POMZP3: variants seen among roughly 807,000 people sequenced by gnomAD.
POMZP3 encodes POM121 and ZP3 fusion protein.
A neutral mutation model predicts 19.8 loss-of-function variants in POMZP3; 10 were observed. The observed-to-expected ratio is 0.51, with a 90% CI of 0.31 to 0.86. The LOEUF is 0.86. Ranked by LOEUF, POMZP3 falls within the 40% of genes least tolerant of loss-of-function variation. POMZP3 has a pLI of 0.04. For synonymous variants in POMZP3, 57 were observed against 85.8 expected, an observed-to-expected ratio of 0.66 and a Z score of 1.85; for missense variants, 152 against 228.1, an observed-to-expected ratio of 0.67 and a Z score of 2.15.
At chr7:76,612,072 C>G (rs1337630353) in intron 4 of POMZP3, among the ~76,000 whole-genome samples, 1 of 142,050 alleles carries the variant, frequency 7.0e-6, no homozygotes, top group Non-Finnish European at 1.5e-5. Flanking sequence ...GTGGTGGGTA[C>G]CTGTAGTCCC....
rs1815933544 is a variant in POMZP3, at chr7:76,626,844, C to T, written c.-288G>A. 1.4e-6 allele frequency: 2 copies of T among 1,396,714 alleles called. No homozygotes were observed. Among genetic ancestry groups the T allele is most frequent in the Admixed American group, 3.4e-5 (1 of 29,814 alleles). 86.5% of individuals were successfully genotyped at this position (1,396,714 alleles called of 1,614,324 possible). ...GCGGGCGGCGGCCAGGCCTATTCCGCAGGTCCTGGCCCTCCGGAGCGGGGG... is the reference window on the plus strand; with the variant it reads ...GCGGGCGGCGGCCAGGCCTATTCCGTAGGTCCTGGCCCTCCGGAGCGGGGG... On this transcript the variant is annotated 5_prime_UTR_variant, in exon 1 of 7. Transcript: ENST00000310842.
chr7:76,625,849 C>G, intron 2 of POMZP3, 151 bp downstream of exon 2: 3 of 1,359,044 alleles, frequency 2.2e-6, no homozygotes, highest in Non-Finnish European at 3.0e-6. Flanking sequence ...AAGTGAAAAA[C>G]AAACGGTTTT....
rs577497838 is a variant in POMZP3 at position 76,612,075 on chromosome 7, G to C, written c.346-262C>G. On this transcript the variant is annotated intron_variant, in intron 4 of 6. Coordinates refer to ENST00000310842, the MANE Select transcript of POMZP3 (RefSeq NM_012230.5). ...TAGCTGGGCGTGGTGGTGGGTACCT[G>C]TAGTCCCAGCTACCTGGAAGGCTGA... Among the ~76,000 whole-genome samples, 16 of 142,054 alleles carry C rather than the reference G, an allele frequency of 1.1e-4. No homozygotes were observed. In the South Asian group the frequency reaches 3.7e-3, roughly 33 times the overall value. The allele number at this position is 142,054 out of a possible 152,430, so 93.2% of individuals were successfully genotyped here. A position where few individuals can be genotyped will look rare whatever the true frequency, so the allele number is the denominator to read the frequency against.
chr7:76,625,120 C>CA (rs1284920416), intron 3 of POMZP3, among the ~76,000 whole-genome samples: 1 of 87,330 alleles, frequency 1.1e-5, no homozygotes, highest in Non-Finnish European at 2.1e-5. Context: ...GGGACAGAGA[C>CA]AGACTCCAAC....
At chr7:76,611,005 G>C (rs867141376) in intron 6 of POMZP3, among the ~76,000 whole-genome samples, 2 of 139,972 alleles carry the variant, frequency 1.4e-5, no homozygotes, top group Non-Finnish European at 3.1e-5. Context: ...CTCCCAAGTA[G>C]CTGGGATTAC....
At chr7:76,614,565 A>C (rs867294684) in intron 4 of POMZP3, among the ~76,000 whole-genome samples, 2,730 of 56,656 alleles carry the variant, frequency 0.048, 628 homozygotes, top group Middle Eastern at 0.12. Flanking sequence ...CATTTCCCCC[A>C]AAAAAAAAAA....
Position 76,611,888 on chromosome 7 carries a change from A to G in POMZP3, c.346-75T>C, listed in dbSNP as rs1815125296. 2.0e-6 allele frequency: 3 copies of G among 1,528,714 alleles called. No individual in the cohort carries two copies. The Admixed American group carries it at 5.8e-5, about 29-fold the overall frequency. The allele number at this position is 1,528,714 out of a possible 1,614,324, so 94.7% of individuals were successfully genotyped here. A position where few individuals can be genotyped will look rare whatever the true frequency, so the allele number is the denominator to read the frequency against. On this transcript the variant is annotated intron_variant, in intron 4 of 6. Coordinates refer to ENST00000310842, the MANE Select transcript of POMZP3 (RefSeq NM_012230.5). ...GAGTTTAACACACCAGTTCTCTTAT[A>G]ACCCTCAACCCTTTAAAGAGTGAGA...
chr7:76,624,959 T>C (rs191740644), intron 3 of POMZP3, among the ~76,000 whole-genome samples: 5 of 150,724 alleles, frequency 3.3e-5, no homozygotes, highest in East Asian at 4.0e-4. Flanking sequence ...GGTGAAACCC[T>C]GTCTCTACTA....
At position 76,620,861 on chromosome 7, in the gene POMZP3, A is replaced by ATTTT. The variant is rs56084078; in HGVS notation, c.228-2565_228-2562dup. On this transcript the variant is annotated intron_variant, in intron 3 of 6. Transcript: ENST00000310842. The stretch of plus-strand genomic sequence containing the variant: ...GTTTACTCCTCAGGGCTGTAAAGCC[A>ATTTT]TTTTTTTTTTTTTTTTTTTTTTTTT... Among the ~76,000 whole-genome samples the ATTTT allele has an allele frequency of 3.4e-3, 256 of 76,196 alleles. 14 individuals carry two copies. The highest frequency in any genetic ancestry group is 8.3e-3 in the Middle Eastern group (1 of 120). The allele number at this position is 76,196 out of a possible 152,430, so 50.0% of individuals were successfully genotyped here.
intron 3 of POMZP3, chr7:76,620,974 T>C (rs2116870651): frequency 6.7e-6 from 1 of 148,182 alleles, no homozygotes; most frequent in Admixed American, 6.8e-5. Flanking sequence ...ATTTAAGTGA[T>C]TCTCCTGCCT....
At chr7:76,623,565 G>C (rs1241026600) in intron 3 of POMZP3, among the ~76,000 whole-genome samples, 1 of 148,348 alleles carries the variant, frequency 6.7e-6, no homozygotes, top group East Asian at 2.0e-4. Flanking sequence ...TTGGGAGGCT[G>C]AGGTGGGTGG....
intron 3 of POMZP3, among the ~76,000 whole-genome samples, chr7:76,622,374 GTTTTTT>G (rs757086256): frequency 3.2e-5 from 2 of 62,808 alleles, no homozygotes; most frequent in East Asian, 3.4e-4. Context: ...TCATTCTCAA[GTTTTTT>G]TTTTTTTTTT....
intron 1 of POMZP3, 78 bp from the exon 2 acceptor site, chr7:76,626,293 G>A: frequency 3.0e-6 from 4 of 1,320,002 alleles, no homozygotes; most frequent in Non-Finnish European, 4.1e-6. Flanking sequence ...AAACCCACCA[G>A]TTAAGACATT....
chr7:76,623,185 GTTTTT>G (rs71521144), intron 3 of POMZP3, among the ~76,000 whole-genome samples: 2 of 147,414 alleles, frequency 1.4e-5, no homozygotes, highest in African/African-American at 5.0e-5. Flanking sequence ...ATTGATTGTG[GTTTTT>G]TTTTTTTATT....
At chr7:76,621,940 AAAATAAAT>A (rs200533284) in intron 3 of POMZP3, among the ~76,000 whole-genome samples, 2,138 of 75,476 alleles carry the variant, frequency 0.028, 233 homozygotes, top group African/African-American at 0.098. Flanking sequence ...TCCGTTTCAA[AAAATAAAT>A]AAATAAATAA....
At chr7:76,624,850 G>T (rs1241340440) in intron 3 of POMZP3, among the ~76,000 whole-genome samples, 6 of 151,474 alleles carry the variant, frequency 4.0e-5, no homozygotes, top group African/African-American at 4.8e-5. Flanking sequence ...TAGAACTGGT[G>T]GGCCGGGCGC....
In POMZP3 at chr7:76,620,163, A is replaced by G. The variant is rs1361557536; in HGVS notation, c.228-1863T>C. 7.5e-5 allele frequency among the ~76,000 whole-genome samples: 6 copies of G among 79,994 alleles called. No homozygotes were observed. In the East Asian group the frequency reaches 1.9e-3, roughly 25 times the overall value. 52.5% of individuals were successfully genotyped at this position (79,994 alleles called of 152,430 possible). On this transcript the variant is annotated intron_variant, in intron 3 of 6. Coordinates refer to ENST00000310842, the MANE Select transcript of POMZP3 (RefSeq NM_012230.5). ...CCCCGTCTCTACTAAAAATACAAAAATAAAATAAAATAAAATTAGCCGGGC... is the reference window on the plus strand; with the variant it reads ...CCCCGTCTCTACTAAAAATACAAAAGTAAAATAAAATAAAATTAGCCGGGC...
chr7:76,619,181 A>C (rs958396378), intron 3 of POMZP3, among the ~76,000 whole-genome samples: 3 of 152,134 alleles, frequency 2.0e-5, no homozygotes, highest in African/African-American at 7.2e-5. Flanking sequence ...GGAGGATCAC[A>C]TAAGGTCGGG....
intron 6 of POMZP3, among the ~76,000 whole-genome samples, chr7:76,611,170 A>C (rs1815076571): frequency 6.7e-6 from 1 of 150,158 alleles, no homozygotes; most frequent in Non-Finnish European, 1.5e-5. Flanking sequence ...CACTATGCCA[A>C]GCCAGATTAT....
Sources: gnomAD v4.1 joint callset for allele counts (sites outside exome capture counted in the v4.1 genomes callset) on GRCh38, gnomAD v4.1.1 for gene constraint, MANE v1.5 for transcripts, NCBI Gene and HGNC (gene_info 2026-07-23, HGNC 2026-07-21) for gene names.